Variants in PTBP2 observed in about 807,000 individuals in gnomAD.
PTBP2 encodes the protein polypyrimidine tract binding protein 2, also known as polypyrimidine tract-binding protein 2.
A neutral mutation model predicts 61.4 loss-of-function variants in PTBP2; 13 were observed. The observed-to-expected ratio is 0.21, with a 90% CI of 0.14 to 0.34. The LOEUF (loss-of-function observed/expected upper bound fraction) is 0.34. Ranked by LOEUF, PTBP2 falls within the 10% of genes least tolerant of loss-of-function variation. The pLI is 1.00. For missense variants in PTBP2, 405 were observed against 642.6 expected (o/e 0.63, Z 4.00); for synonymous variants, 215 against 218.5 (o/e 0.98, Z 0.14).
At chr1:96,734,984 C>G (rs1477835667) in intron 2 of PTBP2, among the ~76,000 whole-genome samples, 1 of 147,236 alleles carries the variant, frequency 6.8e-6, no homozygotes, top group Non-Finnish European at 1.5e-5. Flanking sequence ...GTGGCCCAAT[C>G]TCAGCTCAGT....
intron 8 of PTBP2, among the ~76,000 whole-genome samples, chr1:96,799,453 G>A (rs967551874): frequency 6.6e-5 from 10 of 151,662 alleles, no homozygotes; most frequent in East Asian, 1.9e-4. Context: ...CTGCCACCAC[G>A]CCCAGCTAAT....
rs1315550704 is a variant in PTBP2, at chr1:96,721,831, G to A, written c.-34G>A. The stretch of plus-strand genomic sequence containing the variant: ...GTGTGGCTCGCTGGCTGCGTGGCTC[G>A]GTTCTTGTGAGCGAAGCTTTGTCCG... On this transcript the variant is annotated 5_prime_UTR_variant, in exon 1 of 14. Transcript: ENST00000674951. 2.6e-6 allele frequency: 4 copies of A among 1,557,672 alleles called. No individual in the cohort carries two copies. Among genetic ancestry groups the A allele is most frequent in the Non-Finnish European group, 2.6e-6 (3 of 1,150,714 alleles).
chr1:96,734,874 T>A (rs1397402131), intron 2 of PTBP2, among the ~76,000 whole-genome samples: 1 of 151,598 alleles, frequency 6.6e-6, no homozygotes, highest in Admixed American at 6.6e-5. Flanking sequence ...AGGCATAGTC[T>A]GTGCTCAATA....
intron 8 of PTBP2, 104 bp from the exon 9 acceptor site, chr1:96,804,696 A>C (rs560439040): frequency 1.8e-6 from 2 of 1,130,356 alleles, no homozygotes; most frequent in Non-Finnish European, 2.5e-6. Context: ...TGGAATGGTC[A>C]GCCGTAAGCC....
intron 3 of PTBP2, among the ~76,000 whole-genome samples, chr1:96,755,095 G>A (rs1338484007): frequency 6.6e-6 from 1 of 152,184 alleles, no homozygotes; most frequent in Non-Finnish European, 1.5e-5. Flanking sequence ...GCATATAGCT[G>A]ATAAAGGACT....
chr1:96,823,341 C>T (rs1451934361), exon 14 of PTBP2: 2 of 152,198 alleles, frequency 1.3e-5, no homozygotes, highest in Non-Finnish European at 2.9e-5. Flanking sequence ...CCCAGGAATA[C>T]TTGTTCACTC....
intron 2 of PTBP2, among the ~76,000 whole-genome samples, chr1:96,726,304 C>T (rs1351722935): frequency 6.9e-6 from 1 of 144,940 alleles, no homozygotes; most frequent in Non-Finnish European, 1.5e-5. Flanking sequence ...GTCGGAGTCT[C>T]CCTCTGTCAT....
intron 2 of PTBP2, among the ~76,000 whole-genome samples, chr1:96,750,475 TTACTC>T (rs1403391919): frequency 6.6e-6 from 1 of 152,000 alleles, no homozygotes; most frequent in Middle Eastern, 3.2e-3. Flanking sequence ...GGATATCTGT[TTACTC>T]TTCTCATATT....
chr1:96,810,920 G>A (rs1189526069), intron 11 of PTBP2, among the ~76,000 whole-genome samples: 1 of 152,144 alleles, frequency 6.6e-6, no homozygotes, highest in African/African-American at 2.4e-5. Context: ...TATGTGAAAT[G>A]CAGTGTGAGA....
At chr1:96,764,817 ATCT>A in intron 3 of PTBP2, among the ~76,000 whole-genome samples, 1 of 152,328 alleles carries the variant, frequency 6.6e-6, no homozygotes, top group Admixed American at 6.5e-5. Context: ...TTAACAACTT[ATCT>A]TCTTGTATAT....
rs1284369770 is a variant in PTBP2, at chr1:96,812,870, T to C, written c.1330T>C (p.Ser444Pro). The part of the protein sequence containing the change: ...SPLHRFKKPG[S>P]KNFQNIFPPS... ...ATTGCATCGTTTTAAGAAACCTGGA[T>C]CCAAAAATTTTCAAAACATTTTTCC... Residue 444 changes from serine (S) to proline (P), a missense_variant, in exon 12 of 14, where the codon TCC (serine) becomes CCC (proline). By Grantham distance (74) the Ser-to-Pro change is moderately conservative. Around this residue, in one of 4 missense-constraint regions of PTBP2, gnomAD observed 18 missense variants for 69.6 expected, o/e 0.26. Coordinates refer to ENST00000674951, the MANE Select transcript of PTBP2 (RefSeq NM_021190.4). 1 of 1,613,776 alleles carries C rather than the reference T, an allele frequency of 6.2e-7. No individual in the cohort carries two copies. The highest frequency in any genetic ancestry group is 8.5e-7 in the Non-Finnish European group (1 of 1,179,866).
At chr1:96,722,508 G>A (rs1380564352) in intron 1 of PTBP2, among the ~76,000 whole-genome samples, 2 of 151,708 alleles carry the variant, frequency 1.3e-5, no homozygotes, top group African/African-American at 4.8e-5. Flanking sequence ...GTTTTCATTT[G>A]AGTCTGGTAG....
chr1:96,782,081 A>G (rs964240718), intron 7 of PTBP2, among the ~76,000 whole-genome samples: 10 of 152,038 alleles, frequency 6.6e-5, no homozygotes, highest in Non-Finnish European at 8.8e-5. Context: ...GTTTTTACAT[A>G]GTCCTTACAT....
intron 5 of PTBP2, among the ~76,000 whole-genome samples, chr1:96,775,139 C>A (rs1657889444): frequency 6.6e-6 from 1 of 152,098 alleles, no homozygotes; most frequent in African/African-American, 2.4e-5. Context: ...AGTGTTAACT[C>A]CGAATGAGAT....
intron 2 of PTBP2, among the ~76,000 whole-genome samples, chr1:96,737,074 G>T (rs1652306786): frequency 6.6e-6 from 1 of 151,696 alleles, no homozygotes; most frequent in Non-Finnish European, 1.5e-5. Context: ...CTGCCTCCTG[G>T]GTTCACGCCA....
intron 2 of PTBP2, among the ~76,000 whole-genome samples, chr1:96,726,074 C>CAAAAAAAAAAA (rs762152365): frequency 3.7e-5 from 2 of 54,216 alleles, no homozygotes; most frequent in Non-Finnish European, 6.4e-5. Context: ...GACTCTATCT[C>CAAAAAAAAAAA]AAAAAAAAAA....
At chr1:96,810,846 A>G (rs574682401) in intron 11 of PTBP2, among the ~76,000 whole-genome samples, 1 of 152,336 alleles carries the variant, frequency 6.6e-6, no homozygotes, top group South Asian at 2.1e-4. Flanking sequence ...GATTTTATGT[A>G]CTGTCACTGT....
chr1:96,799,248 C>CTTTTACA (rs1557767924), intron 8 of PTBP2, among the ~76,000 whole-genome samples: 1 of 143,050 alleles, frequency 7.0e-6, no homozygotes, highest in Non-Finnish European at 1.5e-5. Context: ...TTATGAAGCT[C>CTTTTACA]TTTTACATTG....
At chr1:96,772,002 G>T (rs992736074) in intron 5 of PTBP2, among the ~76,000 whole-genome samples, 1 of 152,038 alleles carries the variant, frequency 6.6e-6, no homozygotes, top group African/African-American at 2.4e-5. Context: ...TTTTTTCCAC[G>T]CCAAGCAAGC....
Sources: allele counts gnomAD v4.1 joint callset (sites outside exome capture counted in the v4.1 genomes callset), GRCh38; gene constraint gnomAD v4.1.1; regional missense constraint gnomAD v4.1.1; transcripts MANE v1.5; gene names NCBI Gene and HGNC (gene_info 2026-07-23, HGNC 2026-07-21).